SEC31A: variants seen among roughly 807,000 people sequenced by gnomAD.
The protein encoded by SEC31A is protein transport protein Sec31A.
SEC31A carries 70 observed loss-of-function variants against 151.0 expected under a neutral mutation model. The ratio of observed to expected loss-of-function variants is 0.46; its 90% CI spans 0.38 to 0.57. SEC31A has a LOEUF of 0.57. Ranked by LOEUF, SEC31A falls within the 20% of genes least tolerant of loss-of-function variation. The pLI, the probability that SEC31A is intolerant of heterozygous loss-of-function variation, is 0.00. For synonymous variants in SEC31A, 475 were observed against 505.9 expected (o/e 0.94, Z 0.82); for missense variants, 1,330 against 1,471.2 (o/e 0.90, Z 1.57).
chr4:82,825,019 C>T (rs1383706815), intron 24 of SEC31A, among the ~76,000 whole-genome samples: 8 of 152,136 alleles, frequency 5.3e-5, no homozygotes, highest in Non-Finnish European at 1.5e-5. Flanking sequence ...AAAACACACT[C>T]GGCTGGTTAG....
upstream of SEC31A, chr4:82,893,482 C>A (rs1338886789): frequency 6.6e-6 from 1 of 152,170 alleles, no homozygotes; most frequent in East Asian, 1.9e-4. Context: ...GTTTATGTAA[C>A]TTTTTCCATA....
intron 13 of SEC31A, 25 bp from the exon 14 acceptor site, chr4:82,861,733 G>C: frequency 6.5e-7 from 1 of 1,532,600 alleles, no homozygotes; most frequent in Non-Finnish European, 9.0e-7. Context: ...ACAATTACAG[G>C]GGAAGGTGAA....
chr4:82,820,921 A>G (rs1411312211), intron 26 of SEC31A, 116 bp downstream of exon 26: 1 of 782,046 alleles, frequency 1.3e-6, no homozygotes, highest in African/African-American at 1.7e-5. Flanking sequence ...CCCATTCTCT[A>G]AATGTCATGA....
intron 11 of SEC31A, among the ~76,000 whole-genome samples, chr4:82,864,083 T>C (rs1402717228): frequency 6.6e-6 from 1 of 152,176 alleles, no homozygotes; most frequent in Non-Finnish European, 1.5e-5. Flanking sequence ...ATCTTCAAAA[T>C]AGGTGTGCTG....
In SEC31A at chr4:82,848,131, T is replaced by C. The variant is rs572512066; in HGVS notation, c.2502+673A>G. 3.9e-5 allele frequency among the ~76,000 whole-genome samples: 6 copies of C among 152,184 alleles called. No individual in the cohort carries two copies. In the South Asian group the frequency reaches 1.0e-3, roughly 26 times the overall value. On this transcript the variant is annotated intron_variant, in intron 20 of 26. Coordinates refer to ENST00000395310, the MANE Select transcript of SEC31A (RefSeq NM_001077207.4). ...ATTCTTCATTTAAGTACATGAAGGT[T>C]ATCTGCTGGTCTGGAAATATGGAAG...
intron 15 of SEC31A, among the ~76,000 whole-genome samples, chr4:82,857,471 T>C (rs1732920271): frequency 6.6e-6 from 1 of 152,170 alleles, no homozygotes; most frequent in Non-Finnish European, 1.5e-5. Flanking sequence ...CTACCACCTG[T>C]GATAAAACTT....
intron 20 of SEC31A, among the ~76,000 whole-genome samples, chr4:82,844,852 A>T (rs559891010): frequency 3.3e-5 from 5 of 152,244 alleles, no homozygotes; most frequent in African/African-American, 1.2e-4. Context: ...TAAATGCCAT[A>T]AAGGGATCTT....
chr4:82,881,337 C>T (rs1313124285), intron 2 of SEC31A, among the ~76,000 whole-genome samples: 5 of 151,772 alleles, frequency 3.3e-5, no homozygotes, highest in African/African-American at 4.8e-5. Flanking sequence ...TGGTGGTGGA[C>T]GCCTGTAGTC....
intron 14 of SEC31A, among the ~76,000 whole-genome samples, chr4:82,859,129 AT>A (rs1246282223): frequency 1.3e-5 from 2 of 152,152 alleles, no homozygotes; most frequent in African/African-American, 2.4e-5. Flanking sequence ...ATAAAAAAAA[AT>A]GAAAAAAAAA....
chr4:82,854,985 C>T lies in SEC31A; in HGVS notation c.1926G>A (p.Glu642=), dbSNP rs150834760. The T allele has an allele frequency of 6.2e-7, 1 of 1,613,820 alleles. No homozygotes were observed. The highest frequency in any genetic ancestry group is 8.5e-7 in the Non-Finnish European group (1 of 1,179,856). The change falls in exon 17 of 27, where the codon GAG becomes GAA. Residue 642 remains glutamate, a synonymous_variant. Transcript: ENST00000395310. The stretch of plus-strand genomic sequence containing the variant: ...CTCTCCAATTTTTAAGATCACAAGA[C>T]TCAACAATCTCTTTCCAGTTCTTCA... ...VVMKNWKEIV[E]SCDLKNWREA...
intron 3 of SEC31A, among the ~76,000 whole-genome samples, chr4:82,896,390 G>T (rs1205494388): frequency 6.6e-6 from 1 of 151,550 alleles, no homozygotes; most frequent in Non-Finnish European, 1.5e-5. Flanking sequence ...GCTAATTTTT[G>T]TATTTTTAGT....
intron 16 of SEC31A, among the ~76,000 whole-genome samples, chr4:82,855,397 G>A (rs1463612574): frequency 6.6e-6 from 1 of 152,156 alleles, no homozygotes; most frequent in Admixed American, 6.5e-5. Context: ...AGCCTTCCAG[G>A]CCAAGGGAAC....
intron 1 of SEC31A, among the ~76,000 whole-genome samples, chr4:82,888,386 A>G (rs1353903133): frequency 8.9e-4 from 35 of 39,358 alleles, no homozygotes; most frequent in African/African-American, 2.4e-3. Flanking sequence ...CACAAAAAAC[A>G]TATATATATA....
chr4:82,883,659 T>C (rs1387362760), intron 1 of SEC31A, among the ~76,000 whole-genome samples: 1 of 151,972 alleles, frequency 6.6e-6, no homozygotes, highest in East Asian at 1.9e-4. Context: ...TGAAATCCCA[T>C]CTCTAGAAAA....
chr4:82,866,785 C>T (rs748371498), intron 10 of SEC31A, 23 bp downstream of exon 10: 1 of 1,593,576 alleles, frequency 6.3e-7, no homozygotes, highest in Non-Finnish European at 8.5e-7. Flanking sequence ...TGCCTATGGA[C>T]CATAAAAACA....
At chr4:82,841,665 A>C (rs1262021157) in intron 22 of SEC31A, among the ~76,000 whole-genome samples, 1 of 149,444 alleles carries the variant, frequency 6.7e-6, no homozygotes, top group East Asian at 2.0e-4. Flanking sequence ...AACCCCAAAA[A>C]CAACAACAAC....
At chr4:82,885,703 C>T (rs72664723) in intron 1 of SEC31A, among the ~76,000 whole-genome samples, 36,079 of 152,066 alleles carry the variant, frequency 0.24, 4,902 homozygotes, top group East Asian at 0.49. Context: ...CTTATTCTAC[C>T]TCCAATTTCT....
chr4:82,853,796 C>T, intron 17 of SEC31A, 81 bp from the exon 18 acceptor site: 3 of 1,138,040 alleles, frequency 2.6e-6, no homozygotes, highest in Non-Finnish European at 3.7e-6. Flanking sequence ...ATAATATTTT[C>T]AGAGGCATGG....
In SEC31A at chr4:82,861,683, G is replaced by T; in HGVS notation, c.1574C>A (p.Ala525Glu). The change falls in exon 14 of 27, where the codon GCA becomes GAA. Residue 525 changes from alanine (A) to glutamate (E), a missense_variant. Transcript: ENST00000395310. The part of the protein sequence containing the change: ...NVALKDSDQV[A>E]QSDGEESPAA... ...AGGGCTCTCCTCCCCATCACTCTGT[G>T]CTACTTGGTCAGAGTCTTTAAGAGC... The T allele has an allele frequency of 6.2e-7, 1 of 1,610,314 alleles. No homozygotes were observed. The highest frequency in any genetic ancestry group is 8.5e-7 in the Non-Finnish European group (1 of 1,177,328).
Sources: gnomAD v4.1 joint callset for allele counts (sites outside exome capture counted in the v4.1 genomes callset) on GRCh38, gnomAD v4.1.1 for gene constraint, MANE v1.5 for transcripts, NCBI Gene and HGNC (gene_info 2026-07-23, HGNC 2026-07-21) for gene names.